ATP2B2: variants seen among roughly 807,000 people sequenced by gnomAD.
The protein encoded by ATP2B2 is ATPase plasma membrane Ca2+ transporting 2, also known as plasma membrane calcium-transporting ATPase 2.
In ATP2B2, 15 loss-of-function variants were observed where a neutral mutation model predicts 120.0. That is an observed-to-expected ratio of 0.12 (90% CI 0.08 to 0.19). The LOEUF is 0.19. ATP2B2 is among the 10% of genes least tolerant of loss of function. The pLI, the probability that ATP2B2 is intolerant of heterozygous loss-of-function variation, is 1.00. For synonymous variants in ATP2B2, 694 were observed against 700.3 expected (o/e 0.99, Z 0.14); for missense variants, 1,045 against 1,719.8 (o/e 0.61, Z 6.94).
rs140295226 is a variant in ATP2B2 at position 10,501,372 on chromosome 3, G to GTT, written c.-320+4092_-320+4093insAA. Among the ~76,000 whole-genome samples, 609 of 138,058 alleles carry GTT rather than the reference G, an allele frequency of 4.4e-3. 18 individuals carry two copies. The highest frequency in any genetic ancestry group is 0.011 in the South Asian group (52 of 4,538). 90.6% of individuals were successfully genotyped at this position (138,058 alleles called of 152,430 possible). A position where few individuals can be genotyped will look rare whatever the true frequency, so the allele number is the denominator to read the frequency against. On this transcript the variant is annotated intron_variant, in intron 1 of 22. Transcript: ENST00000360273. ...CCATAGCATAACCCATTTTTTAAAC[G>GTT]GTTTTTTTTTTTTTTTGAGACAGGG...
At chr3:10,423,361 A>G (rs953552741) in intron 2 of ATP2B2, among the ~76,000 whole-genome samples, 31 of 152,112 alleles carry the variant, frequency 2.0e-4, no homozygotes, top group African/African-American at 7.0e-4. Flanking sequence ...GACTTGATCC[A>G]GGTCCAGGGA....
At chr3:10,643,840 A>G (rs1052021634) in intron 1 of ATP2B2, among the ~76,000 whole-genome samples, 3 of 152,222 alleles carry the variant, frequency 2.0e-5, no homozygotes, top group African/African-American at 7.2e-5. Flanking sequence ...CAATTGACAA[A>G]GTTGACAAAA....
chr3:10,692,440 AGATGGATGAGGGGACACATCGAGGTCAC>A (rs2125714800), intron 1 of ATP2B2, among the ~76,000 whole-genome samples: 1 of 152,308 alleles, frequency 6.6e-6, no homozygotes, highest in Non-Finnish European at 1.5e-5. Flanking sequence ...ACCCGACAGG[AGATGGATGAGGGGACACATCGAGGTCAC>A]GATCACAGTA....
At chr3:10,541,559 T>G (rs2067440363) in intron 2 of ATP2B2, among the ~76,000 whole-genome samples, 1 of 152,224 alleles carries the variant, frequency 6.6e-6, no homozygotes, top group Non-Finnish European at 1.5e-5. Context: ...AGTTTCTAAG[T>G]GATTGGATAT....
chr3:10,705,526 G>A (rs2071882847), intron 1 of ATP2B2, among the ~76,000 whole-genome samples: 1 of 152,338 alleles, frequency 6.6e-6, no homozygotes, highest in Admixed American at 6.5e-5. Flanking sequence ...TACATCGTTT[G>A]TGCTACTGCC....
intron 1 of ATP2B2, among the ~76,000 whole-genome samples, chr3:10,471,973 C>G (rs1267560254): frequency 6.7e-6 from 1 of 149,070 alleles, no homozygotes; most frequent in African/African-American, 2.5e-5. Context: ...CCCAGCTACT[C>G]GGGAGGCTGA....
At chr3:10,649,868 CA>C in intron 1 of ATP2B2, among the ~76,000 whole-genome samples, 1 of 152,218 alleles carries the variant, frequency 6.6e-6, no homozygotes. Context: ...TGTGTACCAC[CA>C]TGTGAGACAT....
intron 1 of ATP2B2, among the ~76,000 whole-genome samples, chr3:10,479,631 T>TTA (rs1215954383): frequency 2.0e-5 from 3 of 152,106 alleles, no homozygotes; most frequent in Non-Finnish European, 2.9e-5. Flanking sequence ...ATTATGCATA[T>TTA]TATATATATA....
intron 1 of ATP2B2, among the ~76,000 whole-genome samples, chr3:10,695,003 C>T (rs1158864648): frequency 1.3e-5 from 2 of 152,030 alleles, no homozygotes; most frequent in African/African-American, 2.4e-5. Flanking sequence ...TCTATGTCCC[C>T]ACTCTTTGAA....
At position 10,347,819 on chromosome 3, in the gene ATP2B2, T is replaced by G. The variant is rs374131513; in HGVS notation, c.2405-1682A>C. ...CTAGACGCCTCCCTGCCTCCAGTCC[T>G]GGGGTGGCCTGACTGTGTGCAGTCA... On this transcript the variant is annotated intron_variant, in intron 16 of 22. Transcript: ENST00000360273. This position sits in a 1 kb window ranked among gnomAD's most constrained non-coding sequence, Gnocchi z 5.2. Among the ~76,000 whole-genome samples the G allele has an allele frequency of 5.0e-4, 76 of 152,294 alleles. 1 individual carries two copies. In the East Asian group the frequency reaches 0.013, roughly 26 times the overall value.
chr3:10,504,726 A>C (rs1241544992), intron 1 of ATP2B2, among the ~76,000 whole-genome samples: 1 of 152,014 alleles, frequency 6.6e-6, no homozygotes, highest in Non-Finnish European at 1.5e-5. Flanking sequence ...GGCAGGGAGG[A>C]GCCTCAGGTG....
intron 2 of ATP2B2, among the ~76,000 whole-genome samples, chr3:10,547,548 ATT>A (rs1416787704): frequency 6.6e-6 from 1 of 152,158 alleles, no homozygotes; most frequent in Non-Finnish European, 1.5e-5. Context: ...GTTGGCTTAC[ATT>A]TCCCAAAGCA....
At chr3:10,378,620 G>A (rs539637329) in intron 9 of ATP2B2, among the ~76,000 whole-genome samples, 1 of 152,310 alleles carries the variant, frequency 6.6e-6, no homozygotes, top group African/African-American at 2.4e-5. Flanking sequence ...GGTACTCGCT[G>A]CCTCAGACCT....
At chr3:10,619,717 A>C (rs1035718710) in intron 2 of ATP2B2, among the ~76,000 whole-genome samples, 1 of 152,152 alleles carries the variant, frequency 6.6e-6, no homozygotes, top group African/African-American at 2.4e-5. Context: ...TTTGAAAGCC[A>C]CTGCTGAGGG....
intron 1 of ATP2B2, among the ~76,000 whole-genome samples, chr3:10,504,951 C>A (rs1207242471): frequency 3.9e-5 from 6 of 152,176 alleles, no homozygotes; most frequent in Admixed American, 2.0e-4. Flanking sequence ...AGCTGCCCAC[C>A]CCACCAAAGG....
intron 2 of ATP2B2, among the ~76,000 whole-genome samples, chr3:10,602,650 T>A (rs2068955764): frequency 6.6e-6 from 1 of 152,220 alleles, no homozygotes; most frequent in African/African-American, 2.4e-5. Context: ...CTTAATTGCA[T>A]TAAAAAGTTT....
intron 2 of ATP2B2, among the ~76,000 whole-genome samples, chr3:10,413,515 G>C (rs893272249): frequency 1.3e-5 from 2 of 152,224 alleles, no homozygotes; most frequent in Admixed American, 1.3e-4. Context: ...AGACCAAGCT[G>C]CTGCTGTGGG....
intron 4 of ATP2B2, among the ~76,000 whole-genome samples, chr3:10,401,389 C>T (rs1199810836): frequency 6.6e-6 from 1 of 152,168 alleles, no homozygotes; most frequent in Non-Finnish European, 1.5e-5. Flanking sequence ...CCCAACAATT[C>T]GTTCTTCTGT....
chr3:10,459,369 C>T (rs773826559), intron 1 of ATP2B2, among the ~76,000 whole-genome samples: 2 of 152,242 alleles, frequency 1.3e-5, no homozygotes, highest in East Asian at 1.9e-4. Context: ...GGAAGCTTCA[C>T]TTTGGGCTGC....
Sources: gnomAD v4.1 joint callset for allele counts (sites outside exome capture counted in the v4.1 genomes callset) on GRCh38, gnomAD v4.1.1 for gene constraint, Gnocchi (gnomAD v3.1) non-coding constraint, MANE v1.5 for transcripts, NCBI Gene and HGNC (gene_info 2026-07-23, HGNC 2026-07-21) for gene names.